Variants in TUSC3 observed in about 807,000 individuals in gnomAD.
The protein encoded by TUSC3 is dolichyl-diphosphooligosaccharide--protein glycosyltransferase subunit TUSC3.
A neutral mutation model predicts 44.8 loss-of-function variants in TUSC3; 45 were observed. The ratio of observed to expected loss-of-function variants is 1.00; its 90% CI spans 0.79 to 1.29. The LOEUF (loss-of-function observed/expected upper bound fraction) is 1.29, where lower values mean the gene tolerates loss of function less well. Among genes scored for constraint, TUSC3 ranks in the 50% most tolerant of loss-of-function variants. The pLI is 0.00. For synonymous variants in TUSC3, 212 were observed against 152.9 expected (o/e 1.39, Z -2.85); for missense variants, 519 against 437.9 (o/e 1.19, Z -1.65).
At chr8:15,543,512 G>C (rs1330112087) in intron 1 of TUSC3, among the ~76,000 whole-genome samples, 1 of 151,992 alleles carries the variant, frequency 6.6e-6, no homozygotes. Context: ...TAGTTTGCTT[G>C]CTTTAAAATA....
intron 6 of TUSC3, among the ~76,000 whole-genome samples, chr8:15,696,495 A>C (rs966180227): frequency 1.3e-5 from 2 of 152,162 alleles, no homozygotes; most frequent in Non-Finnish European, 2.9e-5. Context: ...TGTGGGGTCA[A>C]AGCGCTCACA....
intron 7 of TUSC3, among the ~76,000 whole-genome samples, chr8:15,738,963 GC>G (rs1012651312): frequency 2.0e-5 from 3 of 150,856 alleles, no homozygotes; most frequent in African/African-American, 4.9e-5. Flanking sequence ...CTCCTGAGCA[GC>G]TGGCACCACA....
intron 6 of TUSC3, among the ~76,000 whole-genome samples, chr8:15,674,825 A>G (rs1808111769): frequency 6.6e-6 from 1 of 152,004 alleles, no homozygotes; most frequent in African/African-American, 2.4e-5. Context: ...GTAATTTCAG[A>G]AAGTCTTCAA....
chr8:15,491,915 T>G (rs901863812), intron 2 of TUSC3, among the ~76,000 whole-genome samples: 2 of 152,198 alleles, frequency 1.3e-5, no homozygotes, highest in African/African-American at 4.8e-5. Context: ...TTAATTTACT[T>G]TATATATTTA....
chr8:15,504,054 C>T (rs35918950), intron 2 of TUSC3, among the ~76,000 whole-genome samples: 1 of 150,972 alleles, frequency 6.6e-6, no homozygotes, highest in Admixed American at 6.6e-5. Context: ...AAGAACACAC[C>T]GTTTATTTAT....
At chr8:15,546,174 C>T (rs547895450) in intron 1 of TUSC3, among the ~76,000 whole-genome samples, 1 of 151,946 alleles carries the variant, frequency 6.6e-6, no homozygotes, top group African/African-American at 2.4e-5. Context: ...GTCTTTATTT[C>T]TATCTTTTGG....
intron 2 of TUSC3, among the ~76,000 whole-genome samples, chr8:15,630,113 T>G (rs527771101): frequency 5.9e-5 from 9 of 152,276 alleles, no homozygotes; most frequent in African/African-American, 2.2e-4. Flanking sequence ...CTTCCAGGGT[T>G]TATTACAAAA....
chr8:15,786,711 G>A, the TUSC3 span, among the ~76,000 whole-genome samples: 2 of 151,938 alleles, frequency 1.3e-5, no homozygotes, highest in South Asian at 2.1e-4. Context: ...TTGGGTGGCC[G>A]AGGCGGTGGA....
chr8:15,840,813 C>T, the TUSC3 span, among the ~76,000 whole-genome samples: 2 of 152,044 alleles, frequency 1.3e-5, no homozygotes, highest in Admixed American at 1.3e-4. Flanking sequence ...ATGCCAACGC[C>T]AAAGTGAGAA....
At chr8:15,662,703 A>G (rs927018489) in intron 5 of TUSC3, among the ~76,000 whole-genome samples, 1 of 151,990 alleles carries the variant, frequency 6.6e-6, no homozygotes, top group Non-Finnish European at 1.5e-5. Flanking sequence ...TATGTTAGAT[A>G]CTGGCGATAT....
At chr8:15,446,000 A>C (rs946052386) in intron 1 of TUSC3, among the ~76,000 whole-genome samples, 8 of 151,430 alleles carry the variant, frequency 5.3e-5, no homozygotes, top group Non-Finnish European at 5.9e-5. Context: ...GACGCTCCTC[A>C]CTTCCCAGAC....
intron 2 of TUSC3, among the ~76,000 whole-genome samples, chr8:15,647,623 C>G (rs1418102316): frequency 6.6e-6 from 1 of 152,018 alleles, no homozygotes. Flanking sequence ...GCCTTTTTTC[C>G]TCTCTTACAG....
intron 6 of TUSC3, among the ~76,000 whole-genome samples, chr8:15,725,333 C>T (rs1810457638): frequency 6.6e-6 from 1 of 152,008 alleles, no homozygotes; most frequent in South Asian, 2.1e-4. Flanking sequence ...GATCCCAAGC[C>T]CATTTAACTA....
chr8:15,502,247 T>C (rs1328692106), intron 2 of TUSC3, among the ~76,000 whole-genome samples: 1 of 152,218 alleles, frequency 6.6e-6, no homozygotes, highest in East Asian at 1.9e-4. Flanking sequence ...TTCACTTGCT[T>C]AGTTTCGTGT....
At chr8:15,580,820 A>G (rs1585121419) in intron 1 of TUSC3, among the ~76,000 whole-genome samples, 1 of 142,670 alleles carries the variant, frequency 7.0e-6, no homozygotes, top group East Asian at 2.0e-4. Flanking sequence ...CTCGAGGAGT[A>G]TCTTTGTGGC....
chr8:15,732,506 C>T (rs764323204), intron 7 of TUSC3, among the ~76,000 whole-genome samples: 18 of 151,920 alleles, frequency 1.2e-4, no homozygotes, highest in Non-Finnish European at 2.4e-4. Context: ...TCATGTATAT[C>T]TTTATTAGCA....
chr8:15,424,785 G>C (rs1228945786), intron 1 of TUSC3, among the ~76,000 whole-genome samples: 9 of 151,828 alleles, frequency 5.9e-5, no homozygotes, highest in Non-Finnish European at 1.2e-4. Context: ...GAGGCTGAGG[G>C]AGAAGAATCA....
chr8:15,420,857 C>A (rs58900200), intron 1 of TUSC3, among the ~76,000 whole-genome samples: 1 of 152,098 alleles, frequency 6.6e-6, no homozygotes, highest in South Asian at 2.1e-4. Context: ...TATGTTGATT[C>A]GCTTCTCCCT....
At chr8:15,606,046 T>G (rs113671775) in intron 1 of TUSC3, among the ~76,000 whole-genome samples, 1 of 151,948 alleles carries the variant, frequency 6.6e-6, no homozygotes, top group African/African-American at 2.4e-5. Context: ...AATGTAATAG[T>G]GTAAACCTTG....
Sources: allele counts gnomAD v4.1 joint callset (sites outside exome capture counted in the v4.1 genomes callset), GRCh38; gene constraint gnomAD v4.1.1; transcripts MANE v1.5; gene names NCBI Gene and HGNC (gene_info 2026-07-23, HGNC 2026-07-21).